Variants in KIF21A observed in about 807,000 individuals in gnomAD.
KIF21A encodes kinesin family member 21A, also known as kinesin-like protein KIF21A.
A neutral mutation model predicts 202.9 loss-of-function variants in KIF21A; 114 were observed. That is an observed-to-expected ratio of 0.56 (90% CI 0.48 to 0.66). The LOEUF is 0.66. Among genes scored for constraint, KIF21A ranks in the 30% least tolerant of loss-of-function variants. The pLI is 0.00. For synonymous variants in KIF21A, 667 were observed against 670.8 expected (o/e 0.99, Z 0.09); for missense variants, 1,677 against 1,994.9 (o/e 0.84, Z 3.04).
chr12:39,334,780 G>C (rs2138201835), intron 17 of KIF21A, among the ~76,000 whole-genome samples: 1 of 152,274 alleles, frequency 6.6e-6, no homozygotes, highest in South Asian at 2.1e-4. Flanking sequence ...ATGAATGTTA[G>C]CTTTATATGT....
At chr12:39,363,330 G>T in intron 6 of KIF21A, 117 bp from the exon 7 acceptor site, 1 of 657,698 alleles carries the variant, frequency 1.5e-6, no homozygotes, top group Non-Finnish European at 2.6e-6. Context: ...AAGAATATTT[G>T]TGTTTGGTTT....
rs1364104176 is a variant in KIF21A, at chr12:39,351,879, G to A, written c.1571C>T (p.Ser524Phe). The A allele has an allele frequency of 3.1e-6, 5 of 1,612,634 alleles. No homozygotes were observed. Among genetic ancestry groups the A allele is most frequent in the East Asian group, 4.5e-5 (2 of 44,862 alleles). ...TTTGTCTGAGGATAGTATGGTAGGA[G>A]AAAAAGTTGATGATCCGCTGAAATA... Reference protein sequence around the residue: ...APYFSGSSTFSPTILSSDKET... With the variant: ...APYFSGSSTFFPTILSSDKET... Residue 524 changes from serine to phenylalanine, a missense_variant, in exon 11 of 38, where the codon TCT (serine) becomes TTT (phenylalanine). Physicochemically the swap from Ser to Phe is radical, Grantham distance 155. Transcript: ENST00000361418.
chr12:39,343,405 AAATAG>A (rs1396094265), intron 12 of KIF21A, among the ~76,000 whole-genome samples: 1 of 151,918 alleles, frequency 6.6e-6, no homozygotes, highest in African/African-American at 2.4e-5. Context: ...AAAAATAAAT[AAATAG>A]AATACTCAAA....
In KIF21A at chr12:39,442,894, G is replaced by A; in HGVS notation, c.44+33C>T. On this transcript the variant is annotated intron_variant, in intron 1 of 37. Transcript: ENST00000361418. This position sits in a 1 kb window ranked among gnomAD's most constrained non-coding sequence, Gnocchi z 5.0. ...GTCCTTGCCGCGCCCTCAACCCGCCGCCCGCCGCCCGCCGCCGGCAGACTG... is the reference window on the plus strand; with the variant it reads ...GTCCTTGCCGCGCCCTCAACCCGCCACCCGCCGCCCGCCGCCGGCAGACTG... 6.6e-7 allele frequency: 1 copy of A among 1,522,244 alleles called. No individual in the cohort carries two copies. Among genetic ancestry groups the A allele is most frequent in the Non-Finnish European group, 8.8e-7 (1 of 1,141,448 alleles). 94.3% of individuals were successfully genotyped at this position (1,522,244 alleles called of 1,614,324 possible). A position where few individuals can be genotyped will look rare whatever the true frequency, so the allele number is the denominator to read the frequency against.
intron 24 of KIF21A, among the ~76,000 whole-genome samples, chr12:39,328,176 C>T (rs530926382): frequency 1.3e-5 from 2 of 152,176 alleles, no homozygotes; most frequent in East Asian, 1.9e-4. Context: ...AAGTGGCTCA[C>T]GGTGCACTAG....
rs1794168893 is a variant in KIF21A, at chr12:39,351,890, T to C, written c.1560A>G (p.Ser520=). 1 of 1,613,280 alleles carries C rather than the reference T, an allele frequency of 6.2e-7. No individual in the cohort carries two copies. The highest frequency in any genetic ancestry group is 8.5e-7 in the Non-Finnish European group (1 of 1,179,368). Residue 520 remains serine (S), a synonymous_variant, in exon 11 of 38, where the codon TCA becomes TCG. Transcript: ENST00000361418. The part of the protein sequence containing the change: ...ATARAPYFSG[S]STFSPTILSS... ...ATAGTATGGTAGGAGAAAAAGTTGA[T>C]GATCCGCTGAAATATGGCGCTCTTG...
intron 36 of KIF21A, 46 bp downstream of exon 36, chr12:39,302,919 T>G: frequency 1.3e-6 from 2 of 1,484,778 alleles, no homozygotes; most frequent in Non-Finnish European, 9.4e-7. Context: ...GGCTACAGGA[T>G]TGTGTTGAAA....
chr12:39,340,139 C>A (rs201873925), intron 16 of KIF21A, 26 bp downstream of exon 16: 3 of 1,572,040 alleles, frequency 1.9e-6, no homozygotes, highest in South Asian at 1.1e-5. Context: ...GAACATCAAA[C>A]GTTAATGGAA....
At chr12:39,307,457 C>T in intron 34 of KIF21A, 108 bp downstream of exon 34, 1 of 978,172 alleles carries the variant, frequency 1.0e-6, no homozygotes, top group South Asian at 1.4e-5. Context: ...TATGATTTTA[C>T]ATTAACTTCT....
chr12:39,339,231 C>T (rs1381269487), intron 16 of KIF21A, among the ~76,000 whole-genome samples: 3 of 92,618 alleles, frequency 3.2e-5, no homozygotes, highest in South Asian at 8.4e-4. Flanking sequence ...GCGAGACTCC[C>T]TCTCAAAAAA....
chr12:39,388,873 T>C (rs1469822868), intron 1 of KIF21A, among the ~76,000 whole-genome samples: 2 of 152,162 alleles, frequency 1.3e-5, no homozygotes, highest in Admixed American at 6.6e-5. Flanking sequence ...TTTTAAAACA[T>C]AGGAAAGCTC....
intron 7 of KIF21A, among the ~76,000 whole-genome samples, chr12:39,361,655 G>A (rs1053826402): frequency 3.4e-5 from 5 of 148,336 alleles, no homozygotes; most frequent in East Asian, 2.0e-4. Context: ...ACAGGCGCCC[G>A]CCACCACGCC....
At chr12:39,386,346 T>C (rs745460825) in intron 1 of KIF21A, among the ~76,000 whole-genome samples, 2 of 152,140 alleles carry the variant, frequency 1.3e-5, no homozygotes, top group African/African-American at 2.4e-5. Flanking sequence ...ATCAATAAGA[T>C]AGAAAGATCC....
intron 1 of KIF21A, among the ~76,000 whole-genome samples, chr12:39,399,222 A>G (rs1951984140): frequency 6.6e-6 from 1 of 152,228 alleles, no homozygotes; most frequent in South Asian, 2.1e-4. Flanking sequence ...TTATTTACAT[A>G]GCATTTATAT....
chr12:39,436,156 G>A (rs1039875336), intron 1 of KIF21A, among the ~76,000 whole-genome samples: 2 of 151,820 alleles, frequency 1.3e-5, no homozygotes, highest in Non-Finnish European at 2.9e-5. Flanking sequence ...TATAAGGAAT[G>A]CTTAAGGGAT....
chr12:39,302,959 C>G lies in KIF21A; in HGVS notation c.4731+6G>C. 1 of 1,612,832 alleles carries G rather than the reference C, an allele frequency of 6.2e-7. No individual in the cohort carries two copies. Among genetic ancestry groups the G allele is most frequent in the South Asian group, 1.1e-5 (1 of 91,024 alleles). ...CACTCTATACCATGAAAAGGTTCTG[C>G]ATTACCTGAAGAAGGTCTTTTTGAG... is the stretch of plus-strand genomic sequence containing the variant. On this transcript the variant is annotated splice_donor_region_variant and intron_variant, in intron 36 of 37. Coordinates refer to ENST00000361418, the MANE Select transcript of KIF21A (RefSeq NM_001173464.2).
intron 1 of KIF21A, among the ~76,000 whole-genome samples, chr12:39,390,698 AAT>A (rs922936123): frequency 1.3e-5 from 2 of 151,994 alleles, no homozygotes; most frequent in African/African-American, 4.8e-5. Flanking sequence ...GAAGGAAAAA[AAT>A]ATATATATAT....
chr12:39,296,268 A>G (rs1472509732), intron 37 of KIF21A, among the ~76,000 whole-genome samples: 1 of 148,738 alleles, frequency 6.7e-6, no homozygotes. Flanking sequence ...ACAGGGTTTC[A>G]CCGTGTTAGC....
chr12:39,328,389 T>C (rs767438118), intron 24 of KIF21A, among the ~76,000 whole-genome samples: 6 of 152,298 alleles, frequency 3.9e-5, no homozygotes, highest in South Asian at 4.1e-4. Context: ...TGAACTCTTA[T>C]CGTAGGGAGA....
Sources: allele counts gnomAD v4.1 joint callset (sites outside exome capture counted in the v4.1 genomes callset), GRCh38; gene constraint gnomAD v4.1.1; non-coding constraint Gnocchi (gnomAD v3.1); transcripts MANE v1.5; gene names NCBI Gene and HGNC (gene_info 2026-07-23, HGNC 2026-07-21).